The following LRFN5 variants were observed in gnomAD, a reference collection of about 807,000 sequenced individuals.
The protein encoded by LRFN5 is leucine rich repeat and fibronectin type III domain containing 5.
In LRFN5, 24 loss-of-function variants were observed where a neutral mutation model predicts 45.6. The ratio of observed to expected loss-of-function variants is 0.53; its 90% CI spans 0.38 to 0.74. The LOEUF is 0.74. Among genes scored for constraint, LRFN5 ranks in the 30% least tolerant of loss-of-function variants. The probability of loss-of-function intolerance (pLI) is 0.00; values close to 1 mark genes in which losing one functional copy is unlikely to be tolerated. For synonymous variants in LRFN5, 340 were observed against 313.8 expected, an observed-to-expected ratio of 1.08 and a Z score of -0.88; for missense variants, 776 against 861.5, an observed-to-expected ratio of 0.90 and a Z score of 1.24.
intron 2 of LRFN5, among the ~76,000 whole-genome samples, chr14:41,778,515 T>TTAC (rs1412098311): frequency 6.6e-6 from 1 of 151,786 alleles, no homozygotes; most frequent in Non-Finnish European, 1.5e-5. Flanking sequence ...GGACAGATTG[T>TTAC]TATTATTATC....
intron 1 of LRFN5, among the ~76,000 whole-genome samples, chr14:41,648,859 T>A (rs1200717026): frequency 6.6e-6 from 1 of 152,174 alleles, no homozygotes; most frequent in Non-Finnish European, 1.5e-5. Flanking sequence ...AAAATTATTA[T>A]AGAAATAATA....
intron 1 of LRFN5, among the ~76,000 whole-genome samples, chr14:41,662,885 G>A (rs912755671): frequency 1.3e-5 from 2 of 152,064 alleles, no homozygotes; most frequent in Non-Finnish European, 2.9e-5. Context: ...AAGTTGCACA[G>A]CACAATATAC....
chr14:41,827,545 T>A (rs903714775), intron 2 of LRFN5, among the ~76,000 whole-genome samples: 1 of 151,896 alleles, frequency 6.6e-6, no homozygotes, highest in African/African-American at 2.4e-5. Context: ...AAAGGAAAAT[T>A]TTTTAAAAAT....
At chr14:41,885,511 C>T (rs986653199) in intron 2 of LRFN5, among the ~76,000 whole-genome samples, 18 of 151,962 alleles carry the variant, frequency 1.2e-4, no homozygotes, top group African/African-American at 3.9e-4. Flanking sequence ...AATATACATT[C>T]GTTAAGATTG....
chr14:41,753,313 G>A (rs1018972721), intron 1 of LRFN5, among the ~76,000 whole-genome samples: 16 of 152,190 alleles, frequency 1.1e-4, no homozygotes, highest in African/African-American at 3.6e-4. Flanking sequence ...AAAGTCATTG[G>A]TAGCTTGATG....
At chr14:41,873,366 C>G (rs1022808745) in intron 2 of LRFN5, among the ~76,000 whole-genome samples, 1 of 150,174 alleles carries the variant, frequency 6.7e-6, no homozygotes, top group African/African-American at 2.5e-5. Flanking sequence ...CTTAATGCTC[C>G]GTTTTCCTAA....
intron 2 of LRFN5, among the ~76,000 whole-genome samples, chr14:41,874,120 C>A (rs1890111888): frequency 6.6e-6 from 1 of 152,130 alleles, no homozygotes; most frequent in South Asian, 2.1e-4. Context: ...AAACAGGGGT[C>A]ATCTACTGTG....
intron 2 of LRFN5, among the ~76,000 whole-genome samples, chr14:41,804,234 G>C (rs891880411): frequency 6.6e-6 from 1 of 152,070 alleles, no homozygotes; most frequent in Admixed American, 6.6e-5. Context: ...GTTTGGCAGA[G>C]AGGGAGATGC....
intron 2 of LRFN5, among the ~76,000 whole-genome samples, chr14:41,868,801 C>G (rs1370534972): frequency 3.0e-4 from 45 of 152,106 alleles, no homozygotes; most frequent in Non-Finnish European, 5.9e-5. Context: ...GTGCATAAAA[C>G]ATACATGTGT....
chr14:41,879,770 A>G (rs1890309756), intron 2 of LRFN5, among the ~76,000 whole-genome samples: 2 of 148,768 alleles, frequency 1.3e-5, no homozygotes, highest in African/African-American at 2.6e-5. Flanking sequence ...GGTAATTTGC[A>G]TTTTTCAATG....
At chr14:41,806,529 T>C (rs1887532209) in intron 2 of LRFN5, among the ~76,000 whole-genome samples, 1 of 152,170 alleles carries the variant, frequency 6.6e-6, no homozygotes, top group Non-Finnish European at 1.5e-5. Flanking sequence ...AGCTTTGCTG[T>C]GATTACGTGT....
intron 1 of LRFN5, among the ~76,000 whole-genome samples, chr14:41,717,947 G>A (rs1387804686): frequency 6.6e-6 from 1 of 152,052 alleles, no homozygotes; most frequent in East Asian, 1.9e-4. Context: ...TCTTCACTAT[G>A]GAATATAAGT....
rs751677239 is a variant in LRFN5 at position 41,891,249 on chromosome 14, G to GAATGATACCTCCTAC, written c.1386_1400dup (p.Met463_Thr467dup). 3.7e-6 allele frequency: 6 copies of GAATGATACCTCCTAC among 1,611,660 alleles called. No individual in the cohort carries two copies. The South Asian group carries it at 6.6e-5, about 18-fold the overall frequency. On this transcript the variant is annotated inframe_insertion and splice_region_variant. Transcript: ENST00000298119. Reference sequence around the variant, plus strand: ...TTAACACAAATTCCATTGTCCCTCAGAATGATACCTCCTACGAGCAAAACT... The same window carrying GAATGATACCTCCTAC: ...TTAACACAAATTCCATTGTCCCTCAGAATGATACCTCCTACAATGATACCTCCTACGAGCAAAACT...
At chr14:41,844,087 G>C (rs1888962605) in intron 2 of LRFN5, among the ~76,000 whole-genome samples, 1 of 152,118 alleles carries the variant, frequency 6.6e-6, no homozygotes, top group South Asian at 2.1e-4. Flanking sequence ...CTAATTATTA[G>C]AGAAATGGAA....
Position 41,804,715 on chromosome 14 carries a change from CA to C in LRFN5, c.-21+37687del, listed in dbSNP as rs1459152299. Among the ~76,000 whole-genome samples the C allele has an allele frequency of 5.9e-5, 9 of 152,252 alleles. No individual in the cohort carries two copies. In the East Asian group the frequency reaches 1.7e-3, roughly 29 times the overall value. On this transcript the variant is annotated intron_variant, in intron 2 of 5. Transcript: ENST00000298119. The stretch of plus-strand genomic sequence containing the variant: ...AAGGCAAGATGGAGGTTGGTTAGAT[CA>C]GATCTCTTTCACTGTCACAATTTTC...
At chr14:41,774,578 A>G (rs1992851) in intron 2 of LRFN5, among the ~76,000 whole-genome samples, 95,649 of 152,054 alleles carry the variant, frequency 0.63, 31,186 homozygotes, top group East Asian at 0.95. Context: ...TTTAATGTTG[A>G]AACTACATGA....
chr14:41,900,078 C>G (rs1891057897), intron 5 of LRFN5, among the ~76,000 whole-genome samples: 1 of 152,078 alleles, frequency 6.6e-6, no homozygotes, highest in African/African-American at 2.4e-5. Context: ...CTCTTTGCCT[C>G]TCCTTCTCTT....
intron 2 of LRFN5, among the ~76,000 whole-genome samples, chr14:41,834,835 G>A (rs551557882): frequency 1.3e-5 from 2 of 151,508 alleles, no homozygotes; most frequent in African/African-American, 2.4e-5. Flanking sequence ...GCTAATTTTC[G>A]TATTTTTTGT....
At chr14:41,818,626 A>C (rs1888003445) in intron 2 of LRFN5, among the ~76,000 whole-genome samples, 1 of 152,012 alleles carries the variant, frequency 6.6e-6, no homozygotes, top group Non-Finnish European at 1.5e-5. Flanking sequence ...GTGATCTTTC[A>C]AGTTTGTTGT....
Sources: gnomAD v4.1 joint callset for allele counts (sites outside exome capture counted in the v4.1 genomes callset) on GRCh38, gnomAD v4.1.1 for gene constraint, MANE v1.5 for transcripts, NCBI Gene and HGNC (gene_info 2026-07-23, HGNC 2026-07-21) for gene names.